The following CRIM1 variants were observed in gnomAD, a reference collection of about 807,000 sequenced individuals.
CRIM1 encodes the protein cysteine-rich motor neuron 1 protein.
Under a neutral mutation model 116.4 loss-of-function variants are expected in CRIM1, and 32 were observed. The observed-to-expected ratio is 0.27, with a 90% confidence interval of 0.21 to 0.37. CRIM1 has a LOEUF of 0.37. Among genes scored for constraint, CRIM1 ranks in the 10% least tolerant of loss-of-function variants. The pLI, the probability that CRIM1 is intolerant of heterozygous loss-of-function variation, is 1.00. For synonymous variants in CRIM1, 590 were observed against 509.2 expected (o/e 1.16, Z -2.13); for missense variants, 1,331 against 1,354.8 (o/e 0.98, Z 0.28).
intron 4 of CRIM1, among the ~76,000 whole-genome samples, chr2:36,450,294 T>G (rs185855429): frequency 7.4e-4 from 113 of 152,324 alleles, no homozygotes; most frequent in Middle Eastern, 6.8e-3. Flanking sequence ...TGCTGGCTCC[T>G]GGACCCATAT....
At chr2:36,512,248 C>T (rs1043484727) in intron 9 of CRIM1, 25 bp from the exon 10 acceptor site, 2 of 1,606,206 alleles carry the variant, frequency 1.2e-6, no homozygotes, top group Non-Finnish European at 1.7e-6. Flanking sequence ...ATTTTCTGAC[C>T]TCTGACAAAA....
At chr2:36,442,478 T>A in intron 3 of CRIM1, 137 bp from the exon 4 acceptor site, 1 of 936,852 alleles carries the variant, frequency 1.1e-6, no homozygotes, top group Non-Finnish European at 1.7e-6. Flanking sequence ...TTAACTGGAG[T>A]AACATGTCGA....
At position 36,472,802 on chromosome 2, in the gene CRIM1, A is replaced by T. The variant is rs536477932; in HGVS notation, c.992-4087A>T. On this transcript the variant is annotated intron_variant, in intron 5 of 16. Transcript: ENST00000280527. ...GCCTGCAAATTTAATGTATAAAAGT[A>T]CTCCGTTTTCTATACTTTTTGGAAC... 2.0e-4 allele frequency among the ~76,000 whole-genome samples: 30 copies of T among 152,168 alleles called. No individual in the cohort carries two copies. The South Asian group carries it at 6.0e-3, about 31-fold the overall frequency.
At chr2:36,384,609 A>T (rs1462730462) in intron 1 of CRIM1, among the ~76,000 whole-genome samples, 1 of 152,250 alleles carries the variant, frequency 6.6e-6, no homozygotes, top group Non-Finnish European at 1.5e-5. Flanking sequence ...TAGGGATCAG[A>T]TCACTGCTGT....
intron 1 of CRIM1, among the ~76,000 whole-genome samples, chr2:36,386,555 T>A (rs12712501): frequency 0.23 from 34,382 of 152,204 alleles, 4,112 homozygotes; most frequent in South Asian, 0.32. Context: ...AAGATTCACA[T>A]TGCTTTGATT....
intron 15 of CRIM1, 137 bp from the exon 16 acceptor site, chr2:36,546,847 A>G (rs2125195364): frequency 2.0e-6 from 1 of 495,600 alleles, no homozygotes; most frequent in Non-Finnish European, 3.6e-6. Flanking sequence ...TCAACATTAG[A>G]TTTTAATCAC....
chr2:36,396,859 T>C, intron 2 of CRIM1, 72 bp downstream of exon 2: 1 of 1,313,128 alleles, frequency 7.6e-7, no homozygotes, highest in Admixed American at 2.0e-5. Flanking sequence ...GTAATAGTAT[T>C]TGAGCTTGAA....
chr2:36,537,313 C>T (rs756958427), intron 13 of CRIM1, 39 bp from the exon 14 acceptor site: 1 of 1,578,662 alleles, frequency 6.3e-7, no homozygotes, highest in Non-Finnish European at 8.7e-7. Context: ...TGTGCGTTGT[C>T]ACATCAGCGA....
chr2:36,514,113 A>G (rs1664879987), intron 11 of CRIM1, among the ~76,000 whole-genome samples: 3 of 152,202 alleles, frequency 2.0e-5, no homozygotes, highest in South Asian at 4.1e-4. Flanking sequence ...GAATGTCCTC[A>G]TTAATATGAG....
At chr2:36,369,902 T>C (rs913773998) in intron 1 of CRIM1, among the ~76,000 whole-genome samples, 1 of 152,198 alleles carries the variant, frequency 6.6e-6, no homozygotes, top group Non-Finnish European at 1.5e-5. Flanking sequence ...GCATGTGTAT[T>C]TTTTCAGTTG....
rs1031531946 is a variant in CRIM1 at position 36,388,602 on chromosome 2, G to C, written c.332-8012G>C. 3.9e-5 allele frequency among the ~76,000 whole-genome samples: 6 copies of C among 152,168 alleles called. No homozygotes were observed. The East Asian group carries it at 1.2e-3, about 29-fold the overall frequency. On this transcript the variant is annotated intron_variant, in intron 1 of 16. Transcript: ENST00000280527. ...GGGGTCCTGCCGTGAATGAGTGACAGAGCTAAGGTTGTGGTCTCCTGGGCC... is the reference window on the plus strand; with the variant it reads ...GGGGTCCTGCCGTGAATGAGTGACACAGCTAAGGTTGTGGTCTCCTGGGCC...
rs146045310 is a variant in CRIM1 at position 36,518,474 on chromosome 2, T to C, written c.2206+932T>C. ...CTGGCCAGAATCTGTTGTTCCGTCATTATGTGCAGCATCATCAGTGTCTAA... is the reference window on the plus strand; with the variant it reads ...CTGGCCAGAATCTGTTGTTCCGTCACTATGTGCAGCATCATCAGTGTCTAA... On this transcript the variant is annotated intron_variant, in intron 12 of 16. Transcript: ENST00000280527. Among the ~76,000 whole-genome samples, 99 of 152,346 alleles carry C rather than the reference T, an allele frequency of 6.5e-4. 1 individual carries two copies. In the East Asian group the frequency reaches 8.5e-3, roughly 13 times the overall value.
intron 2 of CRIM1, 102 bp downstream of exon 2, chr2:36,396,889 A>G (rs1572639166): frequency 2.0e-6 from 2 of 987,540 alleles, no homozygotes; most frequent in South Asian, 1.7e-5. Flanking sequence ...ACAAGTTTAC[A>G]GAGAGTGGTA....
chr2:36,422,526 T>C (rs1674147747), intron 2 of CRIM1, among the ~76,000 whole-genome samples: 1 of 152,202 alleles, frequency 6.6e-6, no homozygotes, highest in African/African-American at 2.4e-5. Context: ...GTAAGAGTTA[T>C]TTCACTACTT....
chr2:36,420,091 C>T (rs757146297), intron 2 of CRIM1, among the ~76,000 whole-genome samples: 2 of 152,134 alleles, frequency 1.3e-5, no homozygotes, highest in African/African-American at 4.8e-5. Flanking sequence ...TTATTTCCCC[C>T]TCCCAACTTC....
intron 8 of CRIM1, among the ~76,000 whole-genome samples, chr2:36,500,047 G>T (rs368547026): frequency 4.6e-5 from 7 of 152,088 alleles, no homozygotes; most frequent in South Asian, 2.1e-4. Flanking sequence ...TCCAGAATGG[G>T]CAGGCATGGT....
intron 2 of CRIM1, among the ~76,000 whole-genome samples, chr2:36,427,386 ATTAAC>A (rs1480943481): frequency 6.6e-6 from 1 of 152,134 alleles, no homozygotes; most frequent in Non-Finnish European, 1.5e-5. Context: ...TGTTCAGGTA[ATTAAC>A]TTCCCCTCAT....
chr2:36,384,974 A>G (rs1490771898), intron 1 of CRIM1, among the ~76,000 whole-genome samples: 1 of 152,192 alleles, frequency 6.6e-6, no homozygotes, highest in Non-Finnish European at 1.5e-5. Flanking sequence ...TGCCGTACAT[A>G]TGAAGCACTG....
intron 1 of CRIM1, among the ~76,000 whole-genome samples, chr2:36,391,967 T>C (rs1671646167): frequency 6.6e-6 from 1 of 152,238 alleles, no homozygotes; most frequent in African/African-American, 2.4e-5. Flanking sequence ...ATGCCCTTGA[T>C]CGAAGCAATA....
Sources: gnomAD v4.1 joint callset for allele counts (sites outside exome capture counted in the v4.1 genomes callset) on GRCh38, gnomAD v4.1.1 for gene constraint, MANE v1.5 for transcripts, NCBI Gene and HGNC (gene_info 2026-07-23, HGNC 2026-07-21) for gene names.